CISD3: variants seen among roughly 807,000 people sequenced by gnomAD.
CISD3 encodes the protein CDGSH iron sulfur domain 3.
In CISD3, 11 loss-of-function variants were observed where a neutral mutation model predicts 14.1. That is an observed-to-expected ratio of 0.78 (90% CI 0.49 to 1.29). The LOEUF is 1.29. CISD3 is among the 50% of genes most tolerant of loss of function. CISD3 has a pLI of 0.00. For synonymous variants in CISD3, 53 were observed against 69.2 expected (o/e 0.77, Z 1.16); for missense variants, 156 against 171.6 (o/e 0.91, Z 0.51).
chr17:38,734,554 C>G lies in CISD3; in HGVS notation c.*1099C>G, dbSNP rs1906523501. 1 of 151,624 alleles carries G rather than the reference C, an allele frequency of 6.6e-6. No individual in the cohort carries two copies. The highest frequency in any genetic ancestry group is 1.5e-5 in the Non-Finnish European group (1 of 67,918). 9.4% of individuals were successfully genotyped at this position (151,624 alleles called of 1,614,324 possible). The stretch of plus-strand genomic sequence containing the variant: ...AAAAAAAAAAAAGAGGCAGAACTAT[C>G]TATTCTTTGCACAAAGTTTCCACTG... On this transcript the variant is annotated 3_prime_UTR_variant, in exon 4 of 4. Coordinates refer to ENST00000613478, the MANE Select transcript of CISD3 (RefSeq NM_001136498.2).
rs558931700 is a variant in CISD3 at position 38,733,555 on chromosome 17, C to G, written c.*100C>G. ...AAACAGGTGCTGAGCCCAAGAGACT[C>G]TGGTACCCACTGCTGGCTCATGAAG... is the stretch of plus-strand genomic sequence containing the variant. On this transcript the variant is annotated 3_prime_UTR_variant, in exon 4 of 4. Transcript: ENST00000613478. The G allele has an allele frequency of 6.1e-6, 7 of 1,139,470 alleles. No individual in the cohort carries two copies. Among genetic ancestry groups the G allele is most frequent in the Admixed American group, 3.0e-5 (1 of 33,586 alleles). 70.6% of individuals were successfully genotyped at this position (1,139,470 alleles called of 1,614,324 possible).
At chr17:38,730,597 T>G in intron 1 of CISD3, 163 bp from the exon 2 acceptor site, 1 of 855,970 alleles carries the variant, frequency 1.2e-6, no homozygotes, top group Non-Finnish European at 1.9e-6. Context: ...CAGCACCTTC[T>G]CTTGCGACCT....
rs1290018319 is a variant in CISD3 at position 38,735,268 on chromosome 17, C to T, written c.*1813C>T. ...GAGCGCCGTTGACAGTCATCTTGCG[C>T]CCCCTGCTGGTGGAGGATGGTGTCT... On this transcript the variant is annotated 3_prime_UTR_variant, in exon 4 of 4. Coordinates refer to ENST00000613478, the MANE Select transcript of CISD3 (RefSeq NM_001136498.2). 10 of 1,468,154 alleles carry T rather than the reference C, an allele frequency of 6.8e-6. No individual in the cohort carries two copies. The highest frequency in any genetic ancestry group is 1.8e-4 in the Middle Eastern group (1 of 5,550). 90.9% of individuals were successfully genotyped at this position (1,468,154 alleles called of 1,614,324 possible). A position where few individuals can be genotyped will look rare whatever the true frequency, so the allele number is the denominator to read the frequency against.
chr17:38,732,820 C>T (rs1906392067), intron 3 of CISD3, among the ~76,000 whole-genome samples: 1 of 152,008 alleles, frequency 6.6e-6, no homozygotes, highest in Admixed American at 6.6e-5. Flanking sequence ...CTGTCACGTG[C>T]CCAGTTATTC....
At chr17:38,733,133 G>C (rs989617195) in intron 3 of CISD3, 143 bp from the exon 4 acceptor site, 1 of 671,792 alleles carries the variant, frequency 1.5e-6, no homozygotes, top group African/African-American at 1.8e-5. Flanking sequence ...AGATAAGAGA[G>C]GTCACTCAGT....
chr17:38,733,599 A>G lies in CISD3; in HGVS notation c.*144A>G. ...CATGAAGGAAGAATTATTCCTTATA[A>G]CCTAAAAGTCTCCAGTCTGGGGCAG... On this transcript the variant is annotated 3_prime_UTR_variant, in exon 4 of 4. Coordinates refer to ENST00000613478, the MANE Select transcript of CISD3 (RefSeq NM_001136498.2). 1 of 875,822 alleles carries G rather than the reference A, an allele frequency of 1.1e-6. No homozygotes were observed. Among genetic ancestry groups the G allele is most frequent in the Non-Finnish European group, 1.7e-6 (1 of 603,634 alleles). 54.3% of individuals were successfully genotyped at this position (875,822 alleles called of 1,614,324 possible).
At position 38,730,794 on chromosome 17, in the gene CISD3, T is replaced by C; in HGVS notation, c.83T>C (p.Leu28Pro). Residue 28 changes from leucine (L) to proline (P), a missense_variant and splice_region_variant, in exon 2 of 4, where the codon CTG (leucine) becomes CCG (proline). Transcript: ENST00000613478. ...LNPRRDISSW[L>P]AQWFPRTPAR... ...CCGCGGCGGGACATCTCCTCCTGGC[T>C]GGTGAGTCCCCCCATCCTCCCCTCC... 1 of 1,551,588 alleles carries C rather than the reference T, an allele frequency of 6.4e-7. No individual in the cohort carries two copies. Among genetic ancestry groups the C allele is most frequent in the East Asian group, 2.4e-5 (1 of 40,896 alleles).
rs576818194 is a variant in CISD3 at position 38,731,025 on chromosome 17, T to C, written c.84+230T>C. 6 of 636,622 alleles carry C rather than the reference T, an allele frequency of 9.4e-6. No individual in the cohort carries two copies. In the East Asian group the frequency reaches 1.4e-4, roughly 15 times the overall value. The allele number at this position is 636,622 out of a possible 1,614,324, so 39.4% of individuals were successfully genotyped here. ...AGCCCCAGTGTGGGTGGCCCTGCCGTAGGCTGGAAGGATCCCAGCCCGCCT... is the reference window on the plus strand; with the variant it reads ...AGCCCCAGTGTGGGTGGCCCTGCCGCAGGCTGGAAGGATCCCAGCCCGCCT... On this transcript the variant is annotated intron_variant, in intron 2 of 3. Coordinates refer to ENST00000613478, the MANE Select transcript of CISD3 (RefSeq NM_001136498.2).
At chr17:38,730,592 C>G (rs1000215071) in intron 1 of CISD3, 168 bp from the exon 2 acceptor site, 2 of 842,362 alleles carry the variant, frequency 2.4e-6, no homozygotes, top group Admixed American at 4.3e-5. Flanking sequence ...GCAGCCAGCA[C>G]CTTCTCTTGC....
rs1056773458 is a variant in CISD3 at position 38,731,230 on chromosome 17, AG to A, written c.85-88del. On this transcript the variant is annotated intron_variant, in intron 2 of 3. Coordinates refer to ENST00000613478, the MANE Select transcript of CISD3 (RefSeq NM_001136498.2). ...TGTAGAGGAAACCTGCCACACACAC[AG>A]GCCAGTGGGAAACTAGGAAGGGTCG... 3.3e-6 allele frequency: 5 copies of A among 1,493,856 alleles called. No individual in the cohort carries two copies. The African/African-American group carries it at 5.6e-5, about 17-fold the overall frequency. The allele number at this position is 1,493,856 out of a possible 1,614,324, so 92.5% of individuals were successfully genotyped here.
At position 38,733,315 on chromosome 17, in the gene CISD3, C is replaced by T; in HGVS notation, c.244C>T (p.Leu82=). The change falls in exon 4 of 4, where the codon CTA becomes TTA. Residue 82 remains leucine, a synonymous_variant. Transcript: ENST00000613478. Reference sequence around the variant, plus strand: ...CTCCCACTTCTTCCAACGCACTGGCCTATCTCCACTCAAGTTCAAGGCCCA... The same window carrying T: ...CTCCCACTTCTTCCAACGCACTGGCTTATCTCCACTCAAGTTCAAGGCCCA... ...DGSHFFQRTG[L]SPLKFKAQET... is the part of the protein sequence containing the mutation. The T allele has an allele frequency of 6.4e-7, 1 of 1,551,754 alleles. No homozygotes were observed. The highest frequency in any genetic ancestry group is 8.7e-7 in the Non-Finnish European group (1 of 1,146,992).
chr17:38,730,400 T>A lies in CISD3; in HGVS notation c.42T>A (p.Gly14=). The A allele has an allele frequency of 8.2e-7, 1 of 1,215,526 alleles. No individual in the cohort carries two copies. Among genetic ancestry groups the A allele is most frequent in the South Asian group, 3.9e-5 (1 of 25,434 alleles). The allele number at this position is 1,215,526 out of a possible 1,614,324, so 75.3% of individuals were successfully genotyped here. A position where few individuals can be genotyped will look rare whatever the true frequency, so the allele number is the denominator to read the frequency against. ...CGATCCTGCGGCCGGCGGCGCGTGG[T>A]GCCCGGGTGAGCACCCCCGCCCTGC... ...AGAILRPAAR[G]ARDLNPRRDI... Residue 14 remains glycine (G), a synonymous_variant, in exon 1 of 4, where the codon GGT becomes GGA. Transcript: ENST00000613478.
At chr17:38,733,206 T>TGCAG in intron 3 of CISD3, 70 bp from the exon 4 acceptor site, 1 of 1,022,788 alleles carries the variant, frequency 9.8e-7, no homozygotes, top group East Asian at 2.6e-5. Context: ...CCCCCTGAGC[T>TGCAG]CCTGCAGCCT....
intron 3 of CISD3, 77 bp downstream of exon 3, chr17:38,731,516 G>A: frequency 3.3e-6 from 5 of 1,534,066 alleles, no homozygotes; most frequent in Non-Finnish European, 4.4e-6. Flanking sequence ...TCCCACCCAG[G>A]ATGATCTTAT....
chr17:38,735,106 G>A lies in CISD3; in HGVS notation c.*1651G>A, dbSNP rs368418582. On this transcript the variant is annotated 3_prime_UTR_variant, in exon 4 of 4. Coordinates refer to ENST00000613478, the MANE Select transcript of CISD3 (RefSeq NM_001136498.2). ...ATATATATATTTATTTATAAAACCC[G>A]CCCCCCACCCCCAAGGTGGGAAGAG... is the stretch of plus-strand genomic sequence containing the variant. 5.5e-5 allele frequency: 40 copies of A among 726,386 alleles called. No homozygotes were observed. The highest frequency in any genetic ancestry group is 2.0e-4 in the Admixed American group (5 of 25,624). The allele number at this position is 726,386 out of a possible 1,614,324, so 45.0% of individuals were successfully genotyped here.
At position 38,735,522 on chromosome 17, in the gene CISD3, C is replaced by G. The variant is rs991646402; in HGVS notation, c.*2067C>G. 2 of 1,589,726 alleles carry G rather than the reference C, an allele frequency of 1.3e-6. No individual in the cohort carries two copies. The highest frequency in any genetic ancestry group is 1.7e-6 in the Non-Finnish European group (2 of 1,168,362). ...GACGCCCCGCTGGTGTTGGTGCCCT[C>G]GGAGGGGGTGGGCACCGTGGCTAGG... On this transcript the variant is annotated 3_prime_UTR_variant, in exon 4 of 4. Coordinates refer to ENST00000613478, the MANE Select transcript of CISD3 (RefSeq NM_001136498.2).
intron 3 of CISD3, 53 bp from the exon 4 acceptor site, chr17:38,733,223 C>T (rs1212659022): frequency 3.2e-6 from 5 of 1,540,778 alleles, no homozygotes; most frequent in Non-Finnish European, 4.4e-6. Context: ...GCCTGCCCTG[C>T]CCTGCCCCAG....
chr17:38,735,196 C>G lies in CISD3; in HGVS notation c.*1741C>G. The G allele has an allele frequency of 7.3e-7, 1 of 1,368,846 alleles. No homozygotes were observed. The highest frequency in any genetic ancestry group is 2.0e-4 in the Middle Eastern group (1 of 5,102). 84.8% of individuals were successfully genotyped at this position (1,368,846 alleles called of 1,614,324 possible). On this transcript the variant is annotated 3_prime_UTR_variant, in exon 4 of 4. Coordinates refer to ENST00000613478, the MANE Select transcript of CISD3 (RefSeq NM_001136498.2). Reference sequence around the variant, plus strand: ...AAGTGGAAGGAGTGGAGAGGCTTGGCTGGAAGAAGGGAGAGGGTCCCTGGC... The same window carrying G: ...AAGTGGAAGGAGTGGAGAGGCTTGGGTGGAAGAAGGGAGAGGGTCCCTGGC...
chr17:38,730,800 G>T lies in CISD3; in HGVS notation c.84+5G>T. On this transcript the variant is annotated splice_donor_5th_base_variant and intron_variant, in intron 2 of 3. Transcript: ENST00000613478. ...CGGGACATCTCCTCCTGGCTGGTGA[G>T]TCCCCCCATCCTCCCCTCCTCCTCG... 1 of 1,551,476 alleles carries T rather than the reference G, an allele frequency of 6.4e-7. No individual in the cohort carries two copies. The highest frequency in any genetic ancestry group is 8.7e-7 in the Non-Finnish European group (1 of 1,146,850).
Sources: allele counts gnomAD v4.1 joint callset (sites outside exome capture counted in the v4.1 genomes callset), GRCh38; gene constraint gnomAD v4.1.1; transcripts MANE v1.5; gene names NCBI Gene and HGNC (gene_info 2026-07-23, HGNC 2026-07-21).